Variants in PDHX observed in about 807,000 individuals in gnomAD.
PDHX encodes pyruvate dehydrogenase protein X component, mitochondrial.
Under a neutral mutation model 55.3 loss-of-function variants are expected in PDHX, and 33 were observed. That is an observed-to-expected ratio of 0.60 (90% CI 0.45 to 0.80). PDHX has a LOEUF of 0.80. PDHX is among the 30% of genes least tolerant of loss of function. The pLI is 0.00. For synonymous variants in PDHX, 226 were observed against 219.4 expected (o/e 1.03, Z -0.27); for missense variants, 622 against 619.9 (o/e 1.00, Z -0.04).
intron 1 of PDHX, among the ~76,000 whole-genome samples, chr11:34,927,014 TAAA>T (rs59592572): frequency 1.3e-5 from 2 of 151,876 alleles, no homozygotes; most frequent in African/African-American, 4.8e-5. Flanking sequence ...TCTGTTGATG[TAAA>T]AAAAGAGTAA....
chr11:34,959,293 A>G (rs1234586541), intron 4 of PDHX, among the ~76,000 whole-genome samples: 1 of 152,170 alleles, frequency 6.6e-6, no homozygotes, highest in Non-Finnish European at 1.5e-5. Flanking sequence ...AGATACATAG[A>G]TGGCCAGCAG....
chr11:34,971,108 A>C (rs1855248645), intron 7 of PDHX, among the ~76,000 whole-genome samples: 1 of 152,158 alleles, frequency 6.6e-6, no homozygotes, highest in Non-Finnish European at 1.5e-5. Flanking sequence ...TTAGATTATA[A>C]ATATCTTATA....
chr11:34,990,672 C>T (rs1015910746), intron 9 of PDHX, among the ~76,000 whole-genome samples: 18 of 152,158 alleles, frequency 1.2e-4, no homozygotes, highest in Admixed American at 5.9e-4. Context: ...TATTCTCTCT[C>T]CCGTTATTCC....
chr11:34,972,473 C>G (rs1228105720), intron 7 of PDHX, among the ~76,000 whole-genome samples: 1 of 151,370 alleles, frequency 6.6e-6, no homozygotes, highest in African/African-American at 2.4e-5. Context: ...TCTCGGTTCA[C>G]TTCAACCACC....
At chr11:34,927,540 T>C (rs1854053289) in intron 1 of PDHX, among the ~76,000 whole-genome samples, 2 of 152,060 alleles carry the variant, frequency 1.3e-5, no homozygotes, top group South Asian at 2.1e-4. Flanking sequence ...AGGGCAGATA[T>C]TAATTATGTG....
At chr11:34,968,407 A>G (rs149825827) in intron 6 of PDHX, among the ~76,000 whole-genome samples, 1,534 of 152,300 alleles carry the variant, frequency 0.01, 31 homozygotes, top group African/African-American at 0.034. Flanking sequence ...TAAAAATGAA[A>G]TCAGCCGCAC....
At chr11:34,977,160 G>A (rs1460451649) in intron 7 of PDHX, among the ~76,000 whole-genome samples, 1 of 152,030 alleles carries the variant, frequency 6.6e-6, no homozygotes, top group African/African-American at 2.4e-5. Context: ...GTAGTCTCCA[G>A]GATGCCTTTG....
intron 4 of PDHX, among the ~76,000 whole-genome samples, chr11:34,959,325 C>T (rs983036540): frequency 9.2e-5 from 14 of 151,998 alleles, no homozygotes; most frequent in African/African-American, 1.5e-4. Flanking sequence ...ATATGTTCAC[C>T]GTCACTAACC....
In PDHX at chr11:34,995,024, A is replaced by G; in HGVS notation, c.1358A>G (p.Glu453Gly). 2 of 1,614,060 alleles carry G rather than the reference A, an allele frequency of 1.2e-6. No individual in the cohort carries two copies. Among genetic ancestry groups the G allele is most frequent in the Non-Finnish European group, 1.7e-6 (2 of 1,179,936 alleles). The change falls in exon 11 of 11, where the codon GAG becomes GGG. Residue 453 changes from glutamate to glycine, a missense_variant. Transcript: ENST00000227868. Reference sequence around the variant, plus strand: ...TTCCGACCTGTGCTGAAGCTCACTGAGGATGAAGAGGGAAATGCCAAACTG... The same window carrying G: ...TTCCGACCTGTGCTGAAGCTCACTGGGGATGAAGAGGGAAATGCCAAACTG... ...GRFRPVLKLT[E>G]DEEGNAKLQQ...
At chr11:34,992,443 C>T (rs1037040267) in intron 10 of PDHX, 64 bp downstream of exon 10, 1 of 830,318 alleles carries the variant, frequency 1.2e-6, no homozygotes, top group East Asian at 2.5e-5. Flanking sequence ...TATAAAGTCC[C>T]TGTCAGCCTT....
At chr11:34,994,010 G>T (rs1855810064) in intron 10 of PDHX, among the ~76,000 whole-genome samples, 1 of 152,074 alleles carries the variant, frequency 6.6e-6, no homozygotes, top group African/African-American at 2.4e-5. Context: ...AAATGGTATT[G>T]TTTTAAATTT....
At chr11:34,944,411 C>T (rs1037294691) in intron 2 of PDHX, among the ~76,000 whole-genome samples, 35 of 152,252 alleles carry the variant, frequency 2.3e-4, no homozygotes, top group South Asian at 2.1e-4. Context: ...TGAGCCTACA[C>T]GCCTGGCCAC....
At chr11:34,936,236 A>G (rs1854307183) in intron 2 of PDHX, among the ~76,000 whole-genome samples, 1 of 152,158 alleles carries the variant, frequency 6.6e-6, no homozygotes. Flanking sequence ...TGGTGCAGTG[A>G]GGTTATCCAA....
chr11:34,921,599 GTATTT>G (rs569282841), intron 1 of PDHX, among the ~76,000 whole-genome samples: 1 of 152,316 alleles, frequency 6.6e-6, no homozygotes, highest in Non-Finnish European at 1.5e-5. Flanking sequence ...CAGTAATGCA[GTATTT>G]TATTTTATTT....
chr11:34,993,173 G>A (rs555601284), intron 10 of PDHX, among the ~76,000 whole-genome samples: 6 of 151,802 alleles, frequency 4.0e-5, no homozygotes, highest in Non-Finnish European at 7.4e-5. Context: ...AAAAAATGAT[G>A]TATAGTTCTT....
intron 3 of PDHX, among the ~76,000 whole-genome samples, chr11:34,956,962 G>GTTAA (rs1258242384): frequency 1.3e-5 from 2 of 152,202 alleles, no homozygotes; most frequent in Non-Finnish European, 2.9e-5. Flanking sequence ...AGTTGAGGGA[G>GTTAA]TTAATCCCTT....
chr11:34,989,738 T>C (rs1175480986), intron 9 of PDHX, among the ~76,000 whole-genome samples: 2 of 152,196 alleles, frequency 1.3e-5, no homozygotes, highest in African/African-American at 4.8e-5. Context: ...TTCCTAACAC[T>C]CTTTATCTCA....
intron 1 of PDHX, among the ~76,000 whole-genome samples, chr11:34,918,570 C>A (rs561779638): frequency 3.3e-5 from 5 of 152,268 alleles, no homozygotes; most frequent in African/African-American, 1.2e-4. Context: ...ATACCATGAA[C>A]AACTTGTCTA....
In PDHX at chr11:34,995,093, G is replaced by A. The variant is rs1382066656; in HGVS notation, c.1427G>A (p.Arg476Gln). The change falls in exon 11 of 11, where the codon CGA (arginine) becomes CAA (glutamine). Residue 476 changes from arginine (R) to glutamine (Q), a missense_variant. Transcript: ENST00000227868. ...LITVTMSSDS[R>Q]VVDDELATRF... ...ACAGTCACAATGTCAAGTGACAGTC[G>A]AGTGGTTGATGACGAACTGGCAACC... The A allele has an allele frequency of 3.1e-6, 5 of 1,614,002 alleles. No homozygotes were observed. Among genetic ancestry groups the A allele is most frequent in the Non-Finnish European group, 3.4e-6 (4 of 1,179,906 alleles).
Sources: allele counts gnomAD v4.1 joint callset (sites outside exome capture counted in the v4.1 genomes callset), GRCh38; gene constraint gnomAD v4.1.1; transcripts MANE v1.5; gene names NCBI Gene and HGNC (gene_info 2026-07-23, HGNC 2026-07-21).